Variants in RALY observed in about 807,000 individuals in gnomAD.
RALY encodes RNA-binding protein Raly.
RALY carries 15 observed loss-of-function variants against 30.7 expected under a neutral mutation model. The observed-to-expected ratio is 0.49, with a 90% CI of 0.33 to 0.75. The LOEUF (loss-of-function observed/expected upper bound fraction) is 0.75. Among genes scored for constraint, RALY ranks in the 30% least tolerant of loss-of-function variants. The pLI is 0.02. For synonymous variants in RALY, 177 were observed against 170.8 expected, an observed-to-expected ratio of 1.04 and a Z score of -0.28; for missense variants, 339 against 414.3, an observed-to-expected ratio of 0.82 and a Z score of 1.58.
intron 2 of RALY, among the ~76,000 whole-genome samples, chr20:34,042,466 T>TTCTAACACTG (rs1490989639): frequency 6.6e-6 from 1 of 152,236 alleles, no homozygotes; most frequent in Non-Finnish European, 1.5e-5. Flanking sequence ...AAGTGACCAC[T>TTCTAACACTG]TCTAACACTT....
chr20:34,073,449 G>T, intron 3 of RALY, 114 bp from the exon 4 acceptor site: 1 of 961,530 alleles, frequency 1.0e-6, no homozygotes, highest in South Asian at 1.4e-5. Context: ...TCAGTGAGCA[G>T]AATCCATGTG....
intron 2 of RALY, chr20:34,064,958 T>G (rs993005898): frequency 6.6e-6 from 1 of 152,052 alleles, no homozygotes; most frequent in African/African-American, 2.4e-5. Context: ...TGGAACTCAG[T>G]CCTGTCGGAC....
intron 2 of RALY, among the ~76,000 whole-genome samples, chr20:34,066,169 CTTTTTTT>C (rs200689368): frequency 4.7e-5 from 6 of 126,522 alleles, no homozygotes; most frequent in Admixed American, 4.0e-4. Flanking sequence ...TGCTGATCCT[CTTTTTTT>C]TTTTTTTTTT....
At chr20:34,068,189 G>A (rs922444439) in intron 2 of RALY, among the ~76,000 whole-genome samples, 41 of 152,122 alleles carry the variant, frequency 2.7e-4, no homozygotes, top group African/African-American at 9.4e-4. Flanking sequence ...GACCCCTGGG[G>A]GCTGCAGACA....
intron 1 of RALY, among the ~76,000 whole-genome samples, chr20:34,001,579 T>C (rs2030916158): frequency 6.6e-6 from 1 of 152,262 alleles, no homozygotes; most frequent in East Asian, 1.9e-4. Context: ...AGGATTTTAA[T>C]AAGCTTAGTT....
intron 8 of RALY, 142 bp downstream of exon 8, chr20:34,077,387 G>C: frequency 1.3e-6 from 2 of 1,514,960 alleles, no homozygotes; most frequent in Non-Finnish European, 1.8e-6. Flanking sequence ...GGTCCTGGGG[G>C]AAAGAGGGAA....
intron 2 of RALY, among the ~76,000 whole-genome samples, chr20:34,042,835 ATCGT>A (rs1387071027): frequency 2.6e-5 from 4 of 152,316 alleles, no homozygotes; most frequent in African/African-American, 9.6e-5. Context: ...TTGGGCCCTA[ATCGT>A]TTGTGAAGAA....
intron 2 of RALY, among the ~76,000 whole-genome samples, chr20:34,042,435 A>G (rs915310210): frequency 1.3e-5 from 2 of 152,110 alleles, no homozygotes; most frequent in African/African-American, 4.8e-5. Context: ...CCTGAGCTGT[A>G]TGTCATTATG....
intron 2 of RALY, among the ~76,000 whole-genome samples, chr20:34,066,817 G>T (rs1305287929): frequency 6.6e-6 from 1 of 151,984 alleles, no homozygotes; most frequent in African/African-American, 2.4e-5. Flanking sequence ...TCAACACACA[G>T]ATTTGGTGGA....
chr20:34,006,139 T>C (rs545275031), intron 1 of RALY, among the ~76,000 whole-genome samples: 4 of 152,340 alleles, frequency 2.6e-5, no homozygotes, highest in African/African-American at 9.6e-5. Flanking sequence ...CTCTTTATTT[T>C]TAATATGGAA....
intron 1 of RALY, among the ~76,000 whole-genome samples, chr20:33,996,603 A>C (rs1294884331): frequency 6.6e-6 from 1 of 150,426 alleles, no homozygotes; most frequent in Non-Finnish European, 1.5e-5. Context: ...TATAACCTTA[A>C]AGCTGGCATG....
intron 1 of RALY, among the ~76,000 whole-genome samples, chr20:33,998,655 G>A (rs1030674016): frequency 2.6e-5 from 4 of 152,114 alleles, no homozygotes; most frequent in African/African-American, 9.7e-5. Flanking sequence ...GACTTCATCC[G>A]GAGGTGAGGG....
At position 34,073,871 on chromosome 20, in the gene RALY, G is replaced by C. The variant is rs997713482; in HGVS notation, c.377+5G>C. 2 of 1,613,906 alleles carry C rather than the reference G, an allele frequency of 1.2e-6. No individual in the cohort carries two copies. The highest frequency in any genetic ancestry group is 1.7e-6 in the Non-Finnish European group (2 of 1,179,792). ...CCGGGACGACTTCTACGACAGGTGA[G>C]CAGGGGAGGGGCGTGCCCAGGCATG... On this transcript the variant is annotated splice_donor_5th_base_variant and intron_variant, in intron 5 of 9. Transcript: ENST00000246194.
intron 2 of RALY, among the ~76,000 whole-genome samples, chr20:34,071,506 T>G (rs1180867485): frequency 6.6e-6 from 1 of 152,088 alleles, no homozygotes; most frequent in East Asian, 1.9e-4. Context: ...TTCGAACTCC[T>G]GACCTTAGGT....
chr20:34,028,209 C>A (rs567667200), intron 1 of RALY, among the ~76,000 whole-genome samples: 73 of 151,794 alleles, frequency 4.8e-4, no homozygotes, highest in African/African-American at 1.7e-3. Context: ...TCGCTTGAAA[C>A]CAGGAGGCGG....
chr20:34,072,336 C>A lies in RALY; in HGVS notation c.256+6C>A, dbSNP rs1482606168. The A allele has an allele frequency of 6.2e-7, 1 of 1,609,286 alleles. No individual in the cohort carries two copies. The highest frequency in any genetic ancestry group is 1.3e-5 in the African/African-American group (1 of 74,890). Reference sequence around the variant, plus strand: ...GCTGGCCGGGCAGACCCTGGGTAAGCCTCTCTTCACTATATTCTCCTAGTA... The same window carrying A: ...GCTGGCCGGGCAGACCCTGGGTAAGACTCTCTTCACTATATTCTCCTAGTA... On this transcript the variant is annotated splice_donor_region_variant and intron_variant, in intron 3 of 9. Transcript: ENST00000246194.
chr20:34,035,611 C>G (rs1352925737), intron 2 of RALY, among the ~76,000 whole-genome samples: 1 of 152,254 alleles, frequency 6.6e-6, no homozygotes, highest in South Asian at 2.1e-4. Context: ...GTCCCCCACT[C>G]CTCCTTTTTG....
At chr20:34,029,454 A>G (rs2032179438) in intron 1 of RALY, among the ~76,000 whole-genome samples, 1 of 123,348 alleles carries the variant, frequency 8.1e-6, no homozygotes, top group South Asian at 3.1e-4. Context: ...TAAAGAAAGG[A>G]AGAAAGGAGG....
intron 2 of RALY, among the ~76,000 whole-genome samples, chr20:34,046,458 T>C (rs1402664672): frequency 6.6e-6 from 1 of 152,202 alleles, no homozygotes; most frequent in East Asian, 1.9e-4. Flanking sequence ...GTACATACTT[T>C]AAGCATTGGG....
Sources: allele counts gnomAD v4.1 joint callset (sites outside exome capture counted in the v4.1 genomes callset), GRCh38; gene constraint gnomAD v4.1.1; transcripts MANE v1.5; gene names NCBI Gene and HGNC (gene_info 2026-07-23, HGNC 2026-07-21).